PLEKHA7: variants seen among roughly 807,000 people sequenced by gnomAD.
PLEKHA7 encodes pleckstrin homology domain containing A7, also known as pleckstrin homology domain-containing family A member 7.
A neutral mutation model predicts 170.0 loss-of-function variants in PLEKHA7; 104 were observed. The observed-to-expected ratio is 0.61, with a 90% CI of 0.52 to 0.72. The LOEUF is 0.72. Among genes scored for constraint, PLEKHA7 ranks in the 30% least tolerant of loss-of-function variants. The pLI is 0.00. For missense variants in PLEKHA7, 1,615 were observed against 1,671.7 expected (o/e 0.97, Z 0.59); for synonymous variants, 648 against 660.8 (o/e 0.98, Z 0.30).
At chr11:17,001,857 C>T (rs1864683195) in intron 3 of PLEKHA7, among the ~76,000 whole-genome samples, 1 of 152,170 alleles carries the variant, frequency 6.6e-6, no homozygotes, top group Non-Finnish European at 1.5e-5. Flanking sequence ...TAACTCCAAG[C>T]TGTGAGACCT....
chr11:16,889,418 A>ATATATATAT (rs59197162), intron 3 of PLEKHA7, among the ~76,000 whole-genome samples: 1 of 103,554 alleles, frequency 9.7e-6, no homozygotes, highest in African/African-American at 4.4e-5. Flanking sequence ...AAAAAAAAAA[A>ATATATATAT]AAATATATAT....
Position 16,852,324 on chromosome 11 carries a change from C to T in PLEKHA7, c.554G>A (p.Arg185Lys), listed in dbSNP as rs749956140. 1.2e-6 allele frequency: 2 copies of T among 1,614,056 alleles called. No individual in the cohort carries two copies. The highest frequency in any genetic ancestry group is 1.7e-5 in the Admixed American group (1 of 60,010). The change falls in exon 7 of 27, where the codon AGG (arginine) becomes AAG (lysine). Residue 185 changes from arginine to lysine, a missense_variant. By Grantham distance (26) the Arg-to-Lys change is conservative (BLOSUM62 2). Coordinates refer to ENST00000531066, the MANE Select transcript of PLEKHA7 (RefSeq NM_001329630.2). The stretch of plus-strand genomic sequence containing the variant: ...GCAGTAATCAGCAAGCACAAACCAC[C>T]TCCTTTTCCACAGCCTCATCCCAGA... Reference protein sequence around the residue: ...DSSGMRLWKRRWFVLADYCLF... With the variant: ...DSSGMRLWKRKWFVLADYCLF...
At chr11:16,859,077 A>G (rs1853718365) in intron 4 of PLEKHA7, among the ~76,000 whole-genome samples, 1 of 152,256 alleles carries the variant, frequency 6.6e-6, no homozygotes, top group African/African-American at 2.4e-5. Context: ...TTCAAACTAT[A>G]TATGCCCCAG....
intron 26 of PLEKHA7, among the ~76,000 whole-genome samples, chr11:16,782,118 GACAC>G (rs1186366141): frequency 6.6e-6 from 1 of 150,474 alleles, no homozygotes; most frequent in Non-Finnish European, 1.5e-5. Flanking sequence ...CAGACACACA[GACAC>G]ACATACACAC....
intron 17 of PLEKHA7, among the ~76,000 whole-genome samples, chr11:16,799,455 G>A (rs918396426): frequency 1.3e-5 from 2 of 152,052 alleles, no homozygotes; most frequent in African/African-American, 4.8e-5. Flanking sequence ...ATCATTTTTT[G>A]TTTTTGCTTC....
chr11:16,919,681 AG>A (rs1000557128), intron 3 of PLEKHA7, among the ~76,000 whole-genome samples: 19 of 151,392 alleles, frequency 1.3e-4, no homozygotes, highest in African/African-American at 4.1e-4. Context: ...TAAAAATTTG[AG>A]AAAAAAAGAA....
intron 9 of PLEKHA7, among the ~76,000 whole-genome samples, chr11:16,831,981 G>A (rs1030412530): frequency 6.6e-6 from 1 of 152,082 alleles, no homozygotes; most frequent in Admixed American, 6.5e-5. Flanking sequence ...ACATAGCTTT[G>A]GCCAATAAGA....
At chr11:16,901,451 C>T (rs1479352677) in intron 3 of PLEKHA7, among the ~76,000 whole-genome samples, 1 of 152,246 alleles carries the variant, frequency 6.6e-6, no homozygotes, top group African/African-American at 2.4e-5. Context: ...CTCTAAATTC[C>T]ACCACTAGCA....
intron 3 of PLEKHA7, among the ~76,000 whole-genome samples, chr11:16,992,592 C>CGTGAAATGG (rs1163579067): frequency 6.6e-6 from 1 of 151,966 alleles, no homozygotes; most frequent in African/African-American, 2.4e-5. Context: ...CTTGTCTCTA[C>CGTGAAATGG]TAAAAATACA....
At chr11:16,892,616 C>CTTTT (rs1479729633) in intron 3 of PLEKHA7, among the ~76,000 whole-genome samples, 5 of 82,854 alleles carry the variant, frequency 6.0e-5, no homozygotes, top group African/African-American at 2.5e-4. Context: ...CAGCTTCCAG[C>CTTTT]TTCTTTTTTT....
At chr11:16,980,076 G>C (rs577175446) in intron 3 of PLEKHA7, among the ~76,000 whole-genome samples, 1 of 152,290 alleles carries the variant, frequency 6.6e-6, no homozygotes, top group South Asian at 2.1e-4. Flanking sequence ...GCAGAACAAA[G>C]GAACCCCTAC....
chr11:16,851,057 A>G, intron 8 of PLEKHA7, 134 bp downstream of exon 8: 1 of 582,578 alleles, frequency 1.7e-6, no homozygotes, highest in Non-Finnish European at 2.9e-6. Flanking sequence ...TAAATAACTT[A>G]CAACTTTGTT....
chr11:16,963,479 T>G (rs1490976436), intron 3 of PLEKHA7, among the ~76,000 whole-genome samples: 1 of 152,140 alleles, frequency 6.6e-6, no homozygotes, highest in Non-Finnish European at 1.5e-5. Flanking sequence ...ATTACCTGTT[T>G]CTGCAAATCA....
intron 17 of PLEKHA7, 26 bp downstream of exon 17, chr11:16,800,948 G>A: frequency 6.3e-7 from 1 of 1,588,018 alleles, no homozygotes; most frequent in South Asian, 1.1e-5. Flanking sequence ...CAAGAGCTCA[G>A]AAGAGATGGA....
chr11:16,807,141 T>C (rs189093276), intron 13 of PLEKHA7: 14 of 982,612 alleles, frequency 1.4e-5, no homozygotes, highest in Non-Finnish European at 1.7e-5. Flanking sequence ...CAGATCATCT[T>C]ACGCTTCTCC....
At chr11:16,941,641 C>G (rs1172897866) in intron 3 of PLEKHA7, among the ~76,000 whole-genome samples, 17 of 152,332 alleles carry the variant, frequency 1.1e-4, no homozygotes, top group Admixed American at 8.5e-4. Flanking sequence ...AATTCTCACA[C>G]TCTCCTTTGA....
chr11:16,957,823 C>T (rs1861802682), intron 3 of PLEKHA7, among the ~76,000 whole-genome samples: 1 of 150,824 alleles, frequency 6.6e-6, no homozygotes, highest in Non-Finnish European at 1.5e-5. Context: ...CCTGCCTTGG[C>T]CTCCTGAGTA....
chr11:16,972,413 C>T (rs944832673), intron 3 of PLEKHA7, among the ~76,000 whole-genome samples: 1 of 151,692 alleles, frequency 6.6e-6, no homozygotes, highest in African/African-American at 2.4e-5. Flanking sequence ...TGAGTCACTC[C>T]GCCCAGCTAT....
intron 3 of PLEKHA7, among the ~76,000 whole-genome samples, chr11:16,958,427 T>C (rs948137283): frequency 2.0e-4 from 31 of 152,350 alleles, no homozygotes; most frequent in East Asian, 7.7e-4. Context: ...AATATCTGTG[T>C]ATGCATGATT....
Sources: gnomAD v4.1 joint callset for allele counts (sites outside exome capture counted in the v4.1 genomes callset) on GRCh38, gnomAD v4.1.1 for gene constraint, MANE v1.5 for transcripts, NCBI Gene and HGNC (gene_info 2026-07-23, HGNC 2026-07-21) for gene names.